STK38: variants seen among roughly 807,000 people sequenced by gnomAD.
The protein encoded by STK38 is serine/threonine-protein kinase 38.
Under a neutral mutation model 59.0 loss-of-function variants are expected in STK38, and 26 were observed. The observed-to-expected ratio is 0.44, with a 90% CI of 0.32 to 0.61. STK38 has a LOEUF of 0.61. STK38 is among the 20% of genes least tolerant of loss of function. STK38 has a pLI of 0.04. For synonymous variants in STK38, 175 were observed against 176.6 expected, an observed-to-expected ratio of 0.99 and a Z score of 0.07; for missense variants, 433 against 566.0, an observed-to-expected ratio of 0.76 and a Z score of 2.38.
intron 5 of STK38, among the ~76,000 whole-genome samples, 177 bp downstream of exon 5, chr6:36,521,557 T>A (rs1777375589): frequency 6.6e-6 from 1 of 152,194 alleles, no homozygotes; most frequent in Non-Finnish European, 1.5e-5. Flanking sequence ...GCATTATTTG[T>A]GATTTTAAAT....
intron 5 of STK38, among the ~76,000 whole-genome samples, chr6:36,519,358 C>T (rs1777329157): frequency 6.6e-6 from 1 of 152,168 alleles, no homozygotes; most frequent in South Asian, 2.1e-4. Context: ...GCCCCACAGC[C>T]ATGGCTAGGA....
chr6:36,497,219 A>C (rs1776725715), intron 12 of STK38, among the ~76,000 whole-genome samples: 1 of 152,260 alleles, frequency 6.6e-6, no homozygotes, highest in Non-Finnish European at 1.5e-5. Flanking sequence ...GCAGCAAATC[A>C]GTACACAATT....
intron 2 of STK38, among the ~76,000 whole-genome samples, chr6:36,530,691 C>CTTT (rs760949624): frequency 1.2e-4 from 15 of 122,636 alleles, no homozygotes; most frequent in African/African-American, 5.1e-4. Flanking sequence ...CTTTTCTTTT[C>CTTT]TTTTTTTTTT....
chr6:36,523,407 C>T (rs1204807120), intron 4 of STK38, among the ~76,000 whole-genome samples: 1 of 151,752 alleles, frequency 6.6e-6, no homozygotes, highest in Non-Finnish European at 1.5e-5. Flanking sequence ...GGATTACAGG[C>T]ACGTGCCACC....
At position 36,540,079 on chromosome 6, in the gene STK38, C is replaced by G; in HGVS notation, c.124G>C (p.Glu42Gln). Residue 42 changes from glutamate to glutamine, a missense_variant, in exon 2 of 14, where the codon GAA (glutamate) becomes CAA (glutamine). Transcript: ENST00000229812. ...TCAAACAAAATTCTTTACCTCATTT[C>G]TCGTTCTTCATGTTGAGCGATAAGG... ...SNLIAQHEEREMRQKKLEKVM... is the reference protein window; with the variant it reads ...SNLIAQHEERQMRQKKLEKVM... 6.2e-7 allele frequency: 1 copy of G among 1,613,808 alleles called. No homozygotes were observed. Among genetic ancestry groups the G allele is most frequent in the Non-Finnish European group, 8.5e-7 (1 of 1,179,862 alleles).
At position 36,495,798 on chromosome 6, in the gene STK38, T is replaced by C. The variant is rs1776687718; in HGVS notation, c.1384A>G (p.Lys462Glu). 1 of 1,613,884 alleles carries C rather than the reference T, an allele frequency of 6.2e-7. No homozygotes were observed. The highest frequency in any genetic ancestry group is 8.5e-7 in the Non-Finnish European group (1 of 1,179,920). The change falls in exon 14 of 14, where the codon AAA becomes GAA. Residue 462 changes from lysine to glutamate, a missense_variant. By Grantham distance (56) the Lys-to-Glu change is moderately conservative. This residue lies in a region of STK38 where 136 missense variants were observed against 156.7 expected (regional missense o/e 0.87). Transcript: ENST00000229812. ...TGGCAAGAGTACTATTTTGCTGCTTTCATGTAGGAAGGTATTGCCCCCCTT... is the reference window on the plus strand; with the variant it reads ...TGGCAAGAGTACTATTTTGCTGCTTCCATGTAGGAAGGTATTGCCCCCCTT... ...TARGAIPSYM[K>E]AAK
intron 2 of STK38, among the ~76,000 whole-genome samples, chr6:36,539,745 A>T (rs1259074746): frequency 1.5e-5 from 2 of 131,230 alleles, no homozygotes; most frequent in Admixed American, 7.9e-5. Flanking sequence ...ATTGGGCCTA[A>T]TTTTTTTTTT....
chr6:36,540,094 G>T lies in STK38; in HGVS notation c.109C>A (p.Gln37Lys). The change falls in exon 2 of 14, where the codon CAA becomes AAA. Residue 37 changes from glutamine to lysine, a missense_variant. Coordinates refer to ENST00000229812, the MANE Select transcript of STK38 (RefSeq NM_007271.4). ...TACCTCATTTCTCGTTCTTCATGTT[G>T]AGCGATAAGGTTGCTATAAAAATTC... ...LENFYSNLIA[Q>K]HEEREMRQKK... is the part of the protein sequence containing the mutation. 1 of 1,613,834 alleles carries T rather than the reference G, an allele frequency of 6.2e-7. No individual in the cohort carries two copies. Among genetic ancestry groups the T allele is most frequent in the South Asian group, 1.1e-5 (1 of 91,012 alleles).
chr6:36,508,213 G>C (rs1487073496), intron 7 of STK38, among the ~76,000 whole-genome samples: 2 of 152,078 alleles, frequency 1.3e-5, no homozygotes, highest in Admixed American at 1.3e-4. Flanking sequence ...TGAGATTATA[G>C]GCATGCGCCA....
intron 2 of STK38, among the ~76,000 whole-genome samples, chr6:36,537,107 G>A (rs1272355782): frequency 2.0e-5 from 3 of 151,898 alleles, no homozygotes; most frequent in East Asian, 1.9e-4. Context: ...TTAAATGCTC[G>A]AAAAATCTCA....
intron 2 of STK38, among the ~76,000 whole-genome samples, chr6:36,536,890 G>C (rs931177617): frequency 2.7e-5 from 4 of 150,644 alleles, no homozygotes; most frequent in Admixed American, 2.0e-4. Flanking sequence ...AAAGGTCACA[G>C]AATACAATAA....
chr6:36,527,162 A>G (rs1328849381), intron 2 of STK38, among the ~76,000 whole-genome samples: 1 of 142,492 alleles, frequency 7.0e-6, no homozygotes. Flanking sequence ...ACTGCATGCC[A>G]GCCTGGGTGA....
chr6:36,538,840 C>T (rs993527113), intron 2 of STK38, among the ~76,000 whole-genome samples: 3 of 124,780 alleles, frequency 2.4e-5, no homozygotes, highest in Non-Finnish European at 4.7e-5. Context: ...TGCAGTGAGC[C>T]AAGACCACGC....
At chr6:36,509,687 T>C (rs912418250) in intron 7 of STK38, among the ~76,000 whole-genome samples, 1 of 152,116 alleles carries the variant, frequency 6.6e-6, no homozygotes, top group Non-Finnish European at 1.5e-5. Flanking sequence ...CTGTACTAAA[T>C]AGTTGCCCGC....
chr6:36,506,516 T>A (rs377722184), intron 9 of STK38, 67 bp downstream of exon 9: 10 of 1,523,794 alleles, frequency 6.6e-6, no homozygotes, highest in Non-Finnish European at 7.2e-6. Context: ...TGCAAATTTA[T>A]GTGAAAATCT....
chr6:36,534,677 T>G (rs1174146186), intron 2 of STK38, among the ~76,000 whole-genome samples: 1 of 152,002 alleles, frequency 6.6e-6, no homozygotes, highest in Non-Finnish European at 1.5e-5. Context: ...AAAAATTTTT[T>G]AACCCAAATT....
At chr6:36,536,514 A>C (rs1313197802) in intron 2 of STK38, among the ~76,000 whole-genome samples, 1 of 151,882 alleles carries the variant, frequency 6.6e-6, no homozygotes, top group Non-Finnish European at 1.5e-5. Flanking sequence ...AAAAACAAAA[A>C]ATTTTTTTTA....
chr6:36,498,210 G>C (rs1776752134), intron 11 of STK38, among the ~76,000 whole-genome samples, 153 bp downstream of exon 11: 1 of 152,104 alleles, frequency 6.6e-6, no homozygotes, highest in Non-Finnish European at 1.5e-5. Context: ...GGAATTATAG[G>C]CGTAAGCCAC....
At chr6:36,544,699 G>A (rs1296836042) in intron 1 of STK38, among the ~76,000 whole-genome samples, 12 of 151,990 alleles carry the variant, frequency 7.9e-5, no homozygotes, top group African/African-American at 2.9e-4. Flanking sequence ...CAAAACCCCC[G>A]TTGCTACAAA....
Sources: gnomAD v4.1 joint callset for allele counts (sites outside exome capture counted in the v4.1 genomes callset) on GRCh38, gnomAD v4.1.1 for gene constraint, gnomAD v4.1.1 regional missense constraint, MANE v1.5 for transcripts, NCBI Gene and HGNC (gene_info 2026-07-23, HGNC 2026-07-21) for gene names.